Variants in FNBP1 observed in about 807,000 individuals in gnomAD.
FNBP1 encodes formin binding protein 1.
In FNBP1, 26 loss-of-function variants were observed where a neutral mutation model predicts 90.6. That is an observed-to-expected ratio of 0.29 (90% CI 0.21 to 0.40). The LOEUF is 0.40. FNBP1 is among the 10% of genes least tolerant of loss of function. The probability of loss-of-function intolerance (pLI) is 1.00; values close to 1 mark genes in which losing one functional copy is unlikely to be tolerated. For synonymous variants in FNBP1, 260 were observed against 265.2 expected, an observed-to-expected ratio of 0.98 and a Z score of 0.19; for missense variants, 635 against 768.0, an observed-to-expected ratio of 0.83 and a Z score of 2.05.
intron 6 of FNBP1, among the ~76,000 whole-genome samples, chr9:129,935,966 T>C (rs200068434): frequency 7.3e-6 from 1 of 137,772 alleles, no homozygotes; most frequent in Non-Finnish European, 1.6e-5. Flanking sequence ...ATAAACTATA[T>C]AGGTTGGTGC....
chr9:130,021,296 A>G (rs1373403847), intron 1 of FNBP1, among the ~76,000 whole-genome samples: 3 of 152,168 alleles, frequency 2.0e-5, no homozygotes, highest in African/African-American at 7.2e-5. Flanking sequence ...AAACTGAATG[A>G]TGTTTATAGT....
At chr9:129,943,595 C>A (rs1366152208) in intron 6 of FNBP1, among the ~76,000 whole-genome samples, 1 of 152,104 alleles carries the variant, frequency 6.6e-6, no homozygotes, top group Non-Finnish European at 1.5e-5. Flanking sequence ...CCATGTCAGC[C>A]AGGCTGGTCT....
At chr9:129,991,600 G>A (rs1003830965) in intron 2 of FNBP1, among the ~76,000 whole-genome samples, 5 of 151,794 alleles carry the variant, frequency 3.3e-5, no homozygotes, top group African/African-American at 9.7e-5. Context: ...GGGGAGATCC[G>A]GAGTTCAGTT....
At position 129,900,471 on chromosome 9, in the gene FNBP1, C is replaced by G. The variant is rs753900226; in HGVS notation, c.1505G>C (p.Ser502Thr). 2 of 1,606,250 alleles carry G rather than the reference C, an allele frequency of 1.2e-6. No homozygotes were observed. Among genetic ancestry groups the G allele is most frequent in the African/African-American group, 2.7e-5 (2 of 74,574 alleles). Residue 502 changes from serine to threonine, a missense_variant, in exon 14 of 17, where the codon AGC becomes ACC. Ser to Thr is a moderately conservative substitution (Grantham distance 58, BLOSUM62 1). Coordinates refer to ENST00000446176, the MANE Select transcript of FNBP1 (RefSeq NM_015033.3). The surrounding 1 kb of genome is among the most constrained non-coding windows in gnomAD (Gnocchi z 4.1). ...GTTGTTGACTGTGGGTGGGTTCTGG[C>G]TGTCGTACAGTCCGCTCTGCCGGCG... ...QARRQSGLYD[S>T]QNPPTVNNCA...
intron 6 of FNBP1, among the ~76,000 whole-genome samples, chr9:129,933,985 T>C (rs1047640745): frequency 2.6e-5 from 4 of 152,214 alleles, no homozygotes; most frequent in Non-Finnish European, 5.9e-5. Flanking sequence ...ACAATGGAAT[T>C]TAAGAGTCGC....
At chr9:129,931,897 A>G (rs1203632933) in intron 6 of FNBP1, among the ~76,000 whole-genome samples, 1 of 152,070 alleles carries the variant, frequency 6.6e-6, no homozygotes, top group South Asian at 2.1e-4. Context: ...GAAAAGAAGA[A>G]AAGAGAGAAA....
At chr9:129,923,717 T>G (rs1029182546) in intron 10 of FNBP1, 127 bp downstream of exon 10, 31 of 1,102,692 alleles carry the variant, frequency 2.8e-5, no homozygotes, top group African/African-American at 8.3e-5. Context: ...TTTTGTTTTT[T>G]TTTTTTTAAC....
chr9:129,929,456 T>C, intron 7 of FNBP1, 111 bp downstream of exon 7: 1 of 822,200 alleles, frequency 1.2e-6, no homozygotes, highest in Non-Finnish European at 1.9e-6. Context: ...TTTGGAATTA[T>C]ATAAAGACTC....
chr9:129,938,927 G>C (rs1039205729), intron 6 of FNBP1, among the ~76,000 whole-genome samples: 2 of 151,956 alleles, frequency 1.3e-5, no homozygotes, highest in African/African-American at 4.8e-5. Flanking sequence ...GGTTTCTCAC[G>C]CATGGTCATT....
intron 6 of FNBP1, among the ~76,000 whole-genome samples, chr9:129,955,630 A>C (rs1322691999): frequency 1.3e-5 from 2 of 151,978 alleles, no homozygotes; most frequent in African/African-American, 4.8e-5. Context: ...CTGAGGCAGG[A>C]GGATCACTTG....
chr9:129,977,003 C>T (rs918461256), intron 4 of FNBP1, among the ~76,000 whole-genome samples: 2 of 151,744 alleles, frequency 1.3e-5, no homozygotes, highest in Non-Finnish European at 2.9e-5. Flanking sequence ...CCCATCTCTA[C>T]GAAAAATACA....
chr9:129,959,975 C>T (rs1306828017), intron 4 of FNBP1, among the ~76,000 whole-genome samples: 1 of 152,070 alleles, frequency 6.6e-6, no homozygotes, highest in African/African-American at 2.4e-5. Flanking sequence ...ATTTCAAGGT[C>T]GACATTGTCA....
At chr9:129,959,531 G>A (rs534346716) in intron 4 of FNBP1, among the ~76,000 whole-genome samples, 1 of 152,256 alleles carries the variant, frequency 6.6e-6, no homozygotes, top group South Asian at 2.1e-4. Context: ...AGAGGTTGCA[G>A]TGAGCTGAGA....
chr9:130,011,401 TA>T (rs1564570167), intron 1 of FNBP1, among the ~76,000 whole-genome samples: 2 of 151,872 alleles, frequency 1.3e-5, no homozygotes, highest in East Asian at 3.9e-4. Flanking sequence ...GCTAAGGTTT[TA>T]ATGAATGTAT....
rs2039879155 is a variant in FNBP1 at position 129,914,337 on chromosome 9, C to A, written c.1185+1629G>T. Among the ~76,000 whole-genome samples the A allele has an allele frequency of 2.0e-5, 3 of 152,038 alleles. No homozygotes were observed. In the South Asian group the frequency reaches 6.2e-4, roughly 32 times the overall value. On this transcript the variant is annotated intron_variant, in intron 11 of 16. Transcript: ENST00000446176. ...CCAGGCACAAACCACCGTGCCCAGCCAGCGCTTCACTTCTTTGTTGCCTTC... is the reference window on the plus strand; with the variant it reads ...CCAGGCACAAACCACCGTGCCCAGCAAGCGCTTCACTTCTTTGTTGCCTTC...
chr9:130,001,275 T>C (rs2131440214), intron 1 of FNBP1, among the ~76,000 whole-genome samples: 1 of 138,330 alleles, frequency 7.2e-6, no homozygotes, highest in Admixed American at 8.1e-5. Context: ...GAGGTTGCAA[T>C]GAGTCCAGCC....
In FNBP1 at chr9:129,986,629, A is replaced by G. The variant is rs541147602; in HGVS notation, c.141-7255T>C. Among the ~76,000 whole-genome samples, 16 of 151,990 alleles carry G rather than the reference A, an allele frequency of 1.1e-4. No homozygotes were observed. In the South Asian group the frequency reaches 3.3e-3, roughly 32 times the overall value. ...ACATGGTGAAACCCCGTCTCTATTAAAAGTGTAAAAATCAGCTGGGCGTGG... is the reference window on the plus strand; with the variant it reads ...ACATGGTGAAACCCCGTCTCTATTAGAAGTGTAAAAATCAGCTGGGCGTGG... On this transcript the variant is annotated intron_variant, in intron 2 of 16. Transcript: ENST00000446176.
intron 1 of FNBP1, among the ~76,000 whole-genome samples, chr9:130,040,546 G>T (rs1024882491): frequency 5.3e-5 from 8 of 151,602 alleles, no homozygotes; most frequent in African/African-American, 2.4e-5. Flanking sequence ...GTTTGAACCT[G>T]GGAGGCAGAG....
chr9:129,890,083 G>A lies in FNBP1; in HGVS notation c.*456C>T, dbSNP rs753983414. 3.0e-5 allele frequency: 8 copies of A among 269,422 alleles called. No homozygotes were observed. The highest frequency in any genetic ancestry group is 5.3e-5 in the Admixed American group (1 of 18,986). 16.7% of individuals were successfully genotyped at this position (269,422 alleles called of 1,614,324 possible). A position where few individuals can be genotyped will look rare whatever the true frequency, so the allele number is the denominator to read the frequency against. Reference sequence around the variant, plus strand: ...CAGTCTGGGACACACGGATGACATCGACACGGATGACATCGAGTGCTCAGT... The same window carrying A: ...CAGTCTGGGACACACGGATGACATCAACACGGATGACATCGAGTGCTCAGT... On this transcript the variant is annotated 3_prime_UTR_variant, in exon 17 of 17. Coordinates refer to ENST00000446176, the MANE Select transcript of FNBP1 (RefSeq NM_015033.3). This position sits in a 1 kb window ranked among gnomAD's most constrained non-coding sequence, Gnocchi z 5.8.
Sources: allele counts gnomAD v4.1 joint callset (sites outside exome capture counted in the v4.1 genomes callset), GRCh38; gene constraint gnomAD v4.1.1; non-coding constraint Gnocchi (gnomAD v3.1); transcripts MANE v1.5; gene names NCBI Gene and HGNC (gene_info 2026-07-23, HGNC 2026-07-21).